CPEB3: variants seen among roughly 807,000 people sequenced by gnomAD.
CPEB3 encodes the protein cytoplasmic polyadenylation element binding protein 3.
A neutral mutation model predicts 67.2 loss-of-function variants in CPEB3; 20 were observed. The ratio of observed to expected loss-of-function variants is 0.30; its 90% confidence interval spans 0.21 to 0.43. The LOEUF is 0.43. Ranked by LOEUF, CPEB3 falls within the 20% of genes least tolerant of loss-of-function variation. The probability of loss-of-function intolerance (pLI) is 1.00; values close to 1 mark genes in which losing one functional copy is unlikely to be tolerated. For missense variants in CPEB3, 746 were observed against 968.6 expected (o/e 0.77, Z 3.05); for synonymous variants, 376 against 393.1 (o/e 0.96, Z 0.51).
intron 9 of CPEB3, among the ~76,000 whole-genome samples, chr10:92,065,559 A>T (rs1842513964): frequency 6.6e-6 from 1 of 152,166 alleles, no homozygotes; most frequent in Non-Finnish European, 1.5e-5. Flanking sequence ...TCTGACCGAT[A>T]GAGGAAAATT....
At chr10:92,062,244 CAA>C (rs35185791) in intron 9 of CPEB3, among the ~76,000 whole-genome samples, 4 of 119,940 alleles carry the variant, frequency 3.3e-5, no homozygotes, top group Non-Finnish European at 5.0e-5. Context: ...GACCCTGTCT[CAA>C]AAAAAAAAAA....
At chr10:92,223,362 T>A (rs1382071000) in intron 2 of CPEB3, among the ~76,000 whole-genome samples, 1 of 152,140 alleles carries the variant, frequency 6.6e-6, no homozygotes, top group African/African-American at 2.4e-5. Flanking sequence ...ATGGCTTTCC[T>A]TTCTAAAATT....
At chr10:92,189,028 T>C (rs968221332) in intron 3 of CPEB3, among the ~76,000 whole-genome samples, 3 of 152,150 alleles carry the variant, frequency 2.0e-5, no homozygotes, top group African/African-American at 7.2e-5. Context: ...TGCTAATCCT[T>C]TTTTCCCCTG....
At chr10:92,105,720 T>G (rs1376508956) in intron 7 of CPEB3, among the ~76,000 whole-genome samples, 1 of 145,850 alleles carries the variant, frequency 6.9e-6, no homozygotes, top group Non-Finnish European at 1.5e-5. Context: ...TGTGGGTTTT[T>G]TTTTTTTTTT....
intron 5 of CPEB3, 73 bp from the exon 6 acceptor site, chr10:92,143,191 CA>C: frequency 8.7e-7 from 1 of 1,155,922 alleles, no homozygotes; most frequent in South Asian, 1.4e-5. Flanking sequence ...GAGCACAAAA[CA>C]TGTCTTTTTA....
chr10:92,264,020 T>C (rs897109607), intron 1 of CPEB3, among the ~76,000 whole-genome samples: 1 of 152,092 alleles, frequency 6.6e-6, no homozygotes, highest in African/African-American at 2.4e-5. Context: ...ATTTTTCAGA[T>C]AAGGAAACTT....
At chr10:92,086,957 C>T (rs10509642) in intron 8 of CPEB3, among the ~76,000 whole-genome samples, 2,215 of 152,170 alleles carry the variant, frequency 0.015, 51 homozygotes, top group African/African-American at 0.049. Context: ...GGAGTTTATC[C>T]GGGACAACCC....
At chr10:92,075,456 A>G (rs769354476) in intron 9 of CPEB3, among the ~76,000 whole-genome samples, 15 of 152,230 alleles carry the variant, frequency 9.9e-5, no homozygotes, top group Non-Finnish European at 2.1e-4. Flanking sequence ...TCTGTGTTCT[A>G]AAACAGATAG....
At chr10:92,137,523 CA>C in intron 6 of CPEB3, 1 of 874,844 alleles carries the variant, frequency 1.1e-6, no homozygotes, top group Non-Finnish European at 1.9e-6. Flanking sequence ...TTGAGGTGAC[CA>C]AGAAGTTCAT....
chr10:92,254,954 C>T (rs1158211540), intron 1 of CPEB3, among the ~76,000 whole-genome samples: 5 of 151,866 alleles, frequency 3.3e-5, no homozygotes, highest in African/African-American at 7.3e-5. Flanking sequence ...GTTATTCTCC[C>T]GCCTTGGCCT....
intron 1 of CPEB3, among the ~76,000 whole-genome samples, chr10:92,256,312 T>G (rs1280325450): frequency 6.6e-6 from 1 of 152,138 alleles, no homozygotes. Flanking sequence ...CATTCGAACA[T>G]AGTTTTACCA....
chr10:92,163,540 C>T (rs1023336341), intron 4 of CPEB3, among the ~76,000 whole-genome samples: 1 of 152,176 alleles, frequency 6.6e-6, no homozygotes, highest in Admixed American at 6.5e-5. Context: ...CTAATGTTCC[C>T]TTTCAGCTTC....
chr10:92,137,374 T>C, intron 6 of CPEB3: 2 of 1,098,830 alleles, frequency 1.8e-6, no homozygotes, highest in South Asian at 3.3e-5. Context: ...GTCTCCCAAA[T>C]ACATCAAGAT....
Position 92,183,182 on chromosome 10 carries a change from G to T in CPEB3, c.1166-2163C>A, listed in dbSNP as rs867255348. ...AAAGCCATATGAGTAAAATCTAAAA[G>T]AACCATCTATTTTTTATAGATTTCA... is the stretch of plus-strand genomic sequence containing the variant. On this transcript the variant is annotated intron_variant, in intron 3 of 9. Transcript: ENST00000265997. Among the ~76,000 whole-genome samples the T allele has an allele frequency of 2.0e-5, 3 of 152,064 alleles. No homozygotes were observed. In the South Asian group the frequency reaches 6.2e-4, roughly 32 times the overall value.
intron 6 of CPEB3, among the ~76,000 whole-genome samples, chr10:92,114,190 G>A (rs1209397564): frequency 2.0e-5 from 3 of 151,952 alleles, no homozygotes; most frequent in Non-Finnish European, 4.4e-5. Context: ...AGAATTCACC[G>A]GAAACACCCA....
At chr10:92,290,222 C>G (rs923107587) in intron 1 of CPEB3, among the ~76,000 whole-genome samples, 1 of 152,148 alleles carries the variant, frequency 6.6e-6, no homozygotes, top group African/African-American at 2.4e-5. Context: ...AGAGAAAACG[C>G]CACAGGTCGT....
intron 6 of CPEB3, 24 bp from the exon 7 acceptor site, chr10:92,111,218 G>T (rs141004546): frequency 1.4e-6 from 2 of 1,418,744 alleles, no homozygotes. Context: ...AAAACAAAAG[G>T]GTAGAGGAAG....
chr10:92,123,096 T>C (rs1406198560), intron 6 of CPEB3, among the ~76,000 whole-genome samples: 5 of 152,320 alleles, frequency 3.3e-5, no homozygotes, highest in South Asian at 2.1e-4. Flanking sequence ...GCCGGCAGCG[T>C]AGAACCACCT....
chr10:92,248,465 C>T (rs149530597), intron 1 of CPEB3, among the ~76,000 whole-genome samples: 5 of 152,226 alleles, frequency 3.3e-5, no homozygotes, highest in African/African-American at 4.8e-5. Flanking sequence ...CTTTTCCTTC[C>T]CTACTTACAT....
Sources: allele counts gnomAD v4.1 joint callset (sites outside exome capture counted in the v4.1 genomes callset), GRCh38; gene constraint gnomAD v4.1.1; transcripts MANE v1.5; gene names NCBI Gene and HGNC (gene_info 2026-07-23, HGNC 2026-07-21).